NCAM1: variants seen among roughly 807,000 people sequenced by gnomAD.
The protein encoded by NCAM1 is antigen recognized by monoclonal antibody 5.1H11.
A neutral mutation model predicts 109.8 loss-of-function variants in NCAM1; 14 were observed. That is an observed-to-expected ratio of 0.13 (90% CI 0.08 to 0.20). The LOEUF (loss-of-function observed/expected upper bound fraction) is 0.20. Among genes scored for constraint, NCAM1 ranks in the 10% least tolerant of loss-of-function variants. NCAM1 has a pLI of 1.00. For missense variants in NCAM1, 774 were observed against 1,109.9 expected (o/e 0.70, Z 4.30); for synonymous variants, 418 against 442.9 (o/e 0.94, Z 0.70).
intron 1 of NCAM1, among the ~76,000 whole-genome samples, chr11:113,000,791 G>T (rs1474938997): frequency 7.0e-6 from 1 of 142,020 alleles, no homozygotes; most frequent in Non-Finnish European, 1.5e-5. Flanking sequence ...TTTGGCATTT[G>T]GAGGCAACCT....
In NCAM1 at chr11:113,260,349, G is replaced by T; in HGVS notation, c.2131+26G>T. 1.9e-6 allele frequency: 3 copies of T among 1,604,280 alleles called. No individual in the cohort carries two copies. In the South Asian group the frequency reaches 3.4e-5, roughly 18 times the overall value. On this transcript the variant is annotated intron_variant, in intron 17 of 19. Coordinates refer to ENST00000316851, the MANE Select transcript of NCAM1 (RefSeq NM_181351.5). ...GTATGGCTGCCTCTGCTTTCTGTTTGTTTCCGCTTTGAATTAATGCACAAG... is the reference window on the plus strand; with the variant it reads ...GTATGGCTGCCTCTGCTTTCTGTTTTTTTCCGCTTTGAATTAATGCACAAG...
intron 1 of NCAM1, among the ~76,000 whole-genome samples, chr11:113,138,612 G>T (rs1941701633): frequency 6.6e-6 from 1 of 152,136 alleles, no homozygotes; most frequent in Non-Finnish European, 1.5e-5. Flanking sequence ...CATGATCTGG[G>T]CTCTTTTTAC....
rs797025699 is a variant in NCAM1 at position 113,166,244 on chromosome 11, C to A, written c.53-36135C>A. Among the ~76,000 whole-genome samples, 9 of 152,206 alleles carry A rather than the reference C, an allele frequency of 5.9e-5. No homozygotes were observed. The South Asian group carries it at 1.9e-3, about 32-fold the overall frequency. ...CAACAGCAGGAAGACAGTGGAGGGGCATAGGGCTGGATCTCAACCATGGTC... is the reference window on the plus strand; with the variant it reads ...CAACAGCAGGAAGACAGTGGAGGGGAATAGGGCTGGATCTCAACCATGGTC... On this transcript the variant is annotated intron_variant, in intron 1 of 19. Transcript: ENST00000316851.
intron 1 of NCAM1, among the ~76,000 whole-genome samples, chr11:113,005,100 G>T (rs192626711): frequency 1.3e-3 from 195 of 151,918 alleles, no homozygotes; most frequent in Non-Finnish European, 1.1e-3. Context: ...TTTTCTAGTG[G>T]TTCTAGTTGA....
chr11:113,108,789 T>A (rs1555093043), intron 1 of NCAM1, among the ~76,000 whole-genome samples: 1 of 151,162 alleles, frequency 6.6e-6, no homozygotes, highest in Non-Finnish European at 1.5e-5. Flanking sequence ...TTGTTTTTTT[T>A]TTTTGAGACA....
intron 1 of NCAM1, among the ~76,000 whole-genome samples, chr11:113,189,824 G>A (rs17115093): frequency 0.086 from 12,881 of 149,846 alleles, 1,739 homozygotes; most frequent in African/African-American, 0.29. Flanking sequence ...ACTTAGTACT[G>A]ATTGCTTAAA....
At chr11:113,110,802 T>A (rs561580805) in intron 1 of NCAM1, among the ~76,000 whole-genome samples, 2 of 152,304 alleles carry the variant, frequency 1.3e-5, no homozygotes, top group South Asian at 4.2e-4. Flanking sequence ...TGACATCACT[T>A]CCCTCTGCCT....
intron 1 of NCAM1, among the ~76,000 whole-genome samples, chr11:113,049,736 A>G (rs1953397401): frequency 6.6e-6 from 1 of 152,064 alleles, no homozygotes; most frequent in Non-Finnish European, 1.5e-5. Context: ...AGGCCCCCCA[A>G]CCTTGTGCCA....
At chr11:113,265,048 C>A in intron 17 of NCAM1, 2 of 985,358 alleles carry the variant, frequency 2.0e-6, no homozygotes, top group Non-Finnish European at 2.4e-6. Flanking sequence ...ACCATGGGGC[C>A]CCTTTGCTCA....
At chr11:113,042,851 T>C (rs1165934250) in intron 1 of NCAM1, among the ~76,000 whole-genome samples, 7 of 152,198 alleles carry the variant, frequency 4.6e-5, no homozygotes, top group African/African-American at 1.4e-4. Flanking sequence ...TTCATCTTCA[T>C]AAAGCTCTCA....
chr11:113,044,998 C>T (rs1213013965), intron 1 of NCAM1, among the ~76,000 whole-genome samples: 1 of 152,168 alleles, frequency 6.6e-6, no homozygotes, highest in Admixed American at 6.5e-5. Flanking sequence ...TCGTGATCCG[C>T]CCGCCTCGGC....
chr11:113,255,445 T>C (rs1192399855), intron 15 of NCAM1, among the ~76,000 whole-genome samples: 1 of 152,128 alleles, frequency 6.6e-6, no homozygotes, highest in East Asian at 1.9e-4. Flanking sequence ...TGGGCTGTTT[T>C]ACAAAATAAT....
intron 1 of NCAM1, among the ~76,000 whole-genome samples, chr11:113,169,238 G>A (rs1942912160): frequency 6.6e-6 from 1 of 152,262 alleles, no homozygotes; most frequent in East Asian, 1.9e-4. Context: ...CTAGACAGAC[G>A]TGTTTGCCCA....
At chr11:112,966,822 CA>C (rs1950740329) in intron 1 of NCAM1, among the ~76,000 whole-genome samples, 2 of 152,234 alleles carry the variant, frequency 1.3e-5, no homozygotes, top group Non-Finnish European at 2.9e-5. Flanking sequence ...GCCATGTCTA[CA>C]TGCAGCCACT....
intron 1 of NCAM1, among the ~76,000 whole-genome samples, chr11:113,150,157 G>A (rs758694719): frequency 6.6e-6 from 1 of 152,100 alleles, no homozygotes; most frequent in Non-Finnish European, 1.5e-5. Context: ...AGTCAATTGC[G>A]AAAAATAAAG....
At chr11:113,051,680 A>G (rs1232006315) in intron 1 of NCAM1, among the ~76,000 whole-genome samples, 5 of 152,146 alleles carry the variant, frequency 3.3e-5, no homozygotes, top group African/African-American at 1.2e-4. Flanking sequence ...TCTCTGTGTC[A>G]TCATATATTT....
Position 112,963,348 on chromosome 11 carries a change from C to G in NCAM1, c.52+1684C>G, listed in dbSNP as rs923532356. On this transcript the variant is annotated intron_variant, in intron 1 of 19. Coordinates refer to ENST00000316851, the MANE Select transcript of NCAM1 (RefSeq NM_181351.5). This position sits in a 1 kb window ranked among gnomAD's most constrained non-coding sequence, Gnocchi z 4.6. ...TCGCCCACTCTCGCCTCTTTCACGC[C>G]GACTTGGAGCATCCCACCGCCCCCG... The G allele has an allele frequency of 1.3e-5, 2 of 152,290 alleles. No individual in the cohort carries two copies. Among genetic ancestry groups the G allele is most frequent in the African/African-American group, 2.4e-5 (1 of 41,446 alleles). The allele number at this position is 152,290 out of a possible 1,614,324, so 9.4% of individuals were successfully genotyped here.
chr11:113,215,359 G>A (rs961954554), intron 8 of NCAM1, among the ~76,000 whole-genome samples: 3 of 152,138 alleles, frequency 2.0e-5, no homozygotes, highest in Admixed American at 6.5e-5. Context: ...GTAGTAATGG[G>A]CTTTGTTTTA....
chr11:113,217,288 C>T (rs1422940344), intron 8 of NCAM1, among the ~76,000 whole-genome samples: 3 of 152,192 alleles, frequency 2.0e-5, no homozygotes, highest in African/African-American at 7.2e-5. Context: ...GCAGAAAGAG[C>T]TACTTCCTTG....
Sources: allele counts gnomAD v4.1 joint callset (sites outside exome capture counted in the v4.1 genomes callset), GRCh38; gene constraint gnomAD v4.1.1; non-coding constraint Gnocchi (gnomAD v3.1); transcripts MANE v1.5; gene names NCBI Gene and HGNC (gene_info 2026-07-23, HGNC 2026-07-21).